Variants in EXOC4 observed in about 807,000 individuals in gnomAD.
EXOC4 encodes the protein exocyst complex component 4, also known as SEC8-like 1.
In EXOC4, 71 loss-of-function variants were observed where a neutral mutation model predicts 107.2. The ratio of observed to expected loss-of-function variants is 0.66; its 90% CI spans 0.55 to 0.81. EXOC4 has a LOEUF of 0.81. Ranked by LOEUF, EXOC4 falls within the 30% of genes least tolerant of loss-of-function variation. EXOC4 has a pLI of 0.00. For missense variants in EXOC4, 1,108 were observed against 1,189.6 expected (o/e 0.93, Z 1.01); for synonymous variants, 456 against 441.2 (o/e 1.03, Z -0.42).
intron 9 of EXOC4, among the ~76,000 whole-genome samples, chr7:133,561,859 C>T (rs564352542): frequency 1.5e-4 from 23 of 152,364 alleles, no homozygotes; most frequent in African/African-American, 4.1e-4. Context: ...GCCCGCTTTG[C>T]GCCCTGAACT....
At chr7:134,030,413 A>G (rs1795241975) in intron 17 of EXOC4, among the ~76,000 whole-genome samples, 1 of 152,340 alleles carries the variant, frequency 6.6e-6, no homozygotes, top group East Asian at 1.9e-4. Context: ...GACTTGAAGT[A>G]CTGATACGTG....
the EXOC4 span, among the ~76,000 whole-genome samples, chr7:134,092,879 C>G: frequency 1.4e-5 from 2 of 147,694 alleles, no homozygotes; most frequent in Admixed American, 1.4e-4. Context: ...GCCAAGATCA[C>G]GCCATTTTAC....
chr7:133,850,572 G>A (rs187803824), intron 11 of EXOC4, among the ~76,000 whole-genome samples: 37 of 151,730 alleles, frequency 2.4e-4, no homozygotes, highest in Admixed American at 1.7e-3. Flanking sequence ...CCGTATTTAT[G>A]TATGAACAGT....
chr7:133,906,508 G>C (rs1799568571), intron 12 of EXOC4, among the ~76,000 whole-genome samples: 1 of 152,220 alleles, frequency 6.6e-6, no homozygotes, highest in Non-Finnish European at 1.5e-5. Flanking sequence ...TCTATTGCCT[G>C]AGAGCACAGC....
chr7:134,004,814 T>C (rs1004592048), intron 15 of EXOC4, 98 bp from the exon 16 acceptor site: 2 of 986,496 alleles, frequency 2.0e-6, no homozygotes, highest in African/African-American at 3.3e-5. Context: ...CATTTATTAA[T>C]GATAATTTAT....
intron 9 of EXOC4, among the ~76,000 whole-genome samples, chr7:133,492,090 C>T (rs1201531617): frequency 6.6e-6 from 1 of 152,018 alleles, no homozygotes; most frequent in African/African-American, 2.4e-5. Flanking sequence ...GTAGGAGAGT[C>T]GCATAATGAA....
intron 1 of EXOC4, among the ~76,000 whole-genome samples, chr7:133,264,594 G>A (rs944730227): frequency 9.2e-5 from 14 of 151,986 alleles, no homozygotes; most frequent in African/African-American, 3.4e-4. Flanking sequence ...ATGCTTTGAG[G>A]GAAGCCGTAT....
chr7:133,468,222 T>C (rs1316634314), intron 7 of EXOC4, among the ~76,000 whole-genome samples: 1 of 152,206 alleles, frequency 6.6e-6, no homozygotes, highest in Non-Finnish European at 1.5e-5. Flanking sequence ...TGAACAATAA[T>C]GAACCATTCA....
intron 7 of EXOC4, among the ~76,000 whole-genome samples, chr7:133,424,130 AT>A (rs1797668224): frequency 6.6e-6 from 1 of 152,198 alleles, no homozygotes; most frequent in African/African-American, 2.4e-5. Flanking sequence ...AGATTAGGGA[AT>A]AAAAGCAGGC....
intron 12 of EXOC4, among the ~76,000 whole-genome samples, chr7:133,905,777 C>T (rs576466045): frequency 1.3e-5 from 2 of 152,206 alleles, no homozygotes; most frequent in African/African-American, 4.8e-5. Flanking sequence ...ACCTTTAGCA[C>T]ACCCCTTTCA....
chr7:133,606,699 A>C (rs1036901752), intron 9 of EXOC4, among the ~76,000 whole-genome samples: 2 of 151,738 alleles, frequency 1.3e-5, no homozygotes, highest in Admixed American at 6.6e-5. Flanking sequence ...TATTTTTAGT[A>C]GGGGCTGGGT....
chr7:133,857,751 G>T (rs543372128), intron 11 of EXOC4, among the ~76,000 whole-genome samples: 7 of 152,184 alleles, frequency 4.6e-5, no homozygotes, highest in Non-Finnish European at 1.0e-4. Flanking sequence ...CTGGATGAGG[G>T]GAATGTGGTG....
At chr7:133,991,953 A>G (rs534175320) in intron 14 of EXOC4, among the ~76,000 whole-genome samples, 5 of 152,224 alleles carry the variant, frequency 3.3e-5, no homozygotes, top group Admixed American at 2.0e-4. Flanking sequence ...TTGTGATTCC[A>G]TTTGAATTTT....
At chr7:133,445,210 T>C (rs1798191625) in intron 7 of EXOC4, among the ~76,000 whole-genome samples, 2 of 152,194 alleles carry the variant, frequency 1.3e-5, no homozygotes, top group Non-Finnish European at 2.9e-5. Context: ...AGTGTACATA[T>C]GCAGTCATAG....
chr7:134,076,705 GTATATA>G, the EXOC4 span, among the ~76,000 whole-genome samples: 1 of 147,152 alleles, frequency 6.8e-6, no homozygotes, highest in African/African-American at 2.5e-5. Context: ...ATCTATAATT[GTATATA>G]TATATATATA....
intron 2 of EXOC4, among the ~76,000 whole-genome samples, chr7:133,277,215 A>T (rs1203444850): frequency 6.6e-6 from 1 of 152,214 alleles, no homozygotes; most frequent in Non-Finnish European, 1.5e-5. Flanking sequence ...GAAACTAGTT[A>T]AAGTTATAGA....
At chr7:133,882,203 T>C (rs890796464) in intron 11 of EXOC4, among the ~76,000 whole-genome samples, 4 of 152,256 alleles carry the variant, frequency 2.6e-5, no homozygotes, top group Admixed American at 2.6e-4. Flanking sequence ...TTTTCATTGC[T>C]CTGTAGTATC....
chr7:133,330,368 G>T (rs1795353456), intron 5 of EXOC4, among the ~76,000 whole-genome samples: 2 of 151,986 alleles, frequency 1.3e-5, no homozygotes, highest in South Asian at 2.1e-4. Context: ...ATGCTCCGTG[G>T]GGGTGGGACC....
chr7:133,865,036 T>A (rs1798607622), intron 11 of EXOC4, among the ~76,000 whole-genome samples: 1 of 152,172 alleles, frequency 6.6e-6, no homozygotes, highest in African/African-American at 2.4e-5. Flanking sequence ...TAGGAAATCC[T>A]TGTCTGAAAA....
Sources: allele counts gnomAD v4.1 joint callset (sites outside exome capture counted in the v4.1 genomes callset), GRCh38; gene constraint gnomAD v4.1.1; transcripts MANE v1.5; gene names NCBI Gene and HGNC (gene_info 2026-07-23, HGNC 2026-07-21).